The following BAIAP2L1 variants were observed in gnomAD, a reference collection of about 807,000 sequenced individuals.
BAIAP2L1 encodes BAR/IMD domain containing adaptor protein 2 like 1.
Under a neutral mutation model 66.3 loss-of-function variants are expected in BAIAP2L1, and 35 were observed. That is an observed-to-expected ratio of 0.53 (90% CI 0.40 to 0.70). The LOEUF is 0.70. Ranked by LOEUF, BAIAP2L1 falls within the 30% of genes least tolerant of loss-of-function variation. The pLI is 0.00. For missense variants in BAIAP2L1, 622 were observed against 656.9 expected, an observed-to-expected ratio of 0.95 and a Z score of 0.58; for synonymous variants, 269 against 248.7, an observed-to-expected ratio of 1.08 and a Z score of -0.77.
chr7:98,336,255 A>G (rs1387821336), intron 3 of BAIAP2L1, among the ~76,000 whole-genome samples: 3 of 152,176 alleles, frequency 2.0e-5, no homozygotes, highest in Non-Finnish European at 2.9e-5. Context: ...CACATGATAT[A>G]CCCAGGTAAC....
At chr7:98,390,787 A>C (rs1375370919) in intron 1 of BAIAP2L1, among the ~76,000 whole-genome samples, 1 of 152,080 alleles carries the variant, frequency 6.6e-6, no homozygotes, top group Non-Finnish European at 1.5e-5. Context: ...ACTAGTGCTT[A>C]ATTGATATTG....
chr7:98,322,347 C>T (rs1801273290), intron 3 of BAIAP2L1, among the ~76,000 whole-genome samples: 2 of 152,182 alleles, frequency 1.3e-5, no homozygotes, highest in South Asian at 4.1e-4. Flanking sequence ...CACGACCACG[C>T]AGACGTCCCA....
intron 3 of BAIAP2L1, among the ~76,000 whole-genome samples, chr7:98,330,825 G>A (rs567406311): frequency 1.4e-5 from 2 of 140,878 alleles, no homozygotes; most frequent in South Asian, 4.6e-4. Flanking sequence ...AAGGGAGTGG[G>A]AGGGGTGCCC....
chr7:98,328,265 G>A lies in BAIAP2L1; in HGVS notation c.215-7967C>T, dbSNP rs567037787. ...CACCACGAAAGGGAAAAGACTGGAC[G>A]CAGCTTCAGAAGGCAGAAGGTTCTG... On this transcript the variant is annotated intron_variant, in intron 3 of 13. Transcript: ENST00000005260. 2.6e-5 allele frequency among the ~76,000 whole-genome samples: 4 copies of A among 152,282 alleles called. No individual in the cohort carries two copies. In the South Asian group the frequency reaches 6.2e-4, roughly 24 times the overall value.
chr7:98,396,584 C>G (rs1001604480), intron 1 of BAIAP2L1, among the ~76,000 whole-genome samples: 2 of 152,068 alleles, frequency 1.3e-5, no homozygotes, highest in Admixed American at 6.6e-5. Flanking sequence ...AGTTTCTCAA[C>G]CTGGTTAACA....
rs141920337 is a variant in BAIAP2L1, at chr7:98,372,670, AATGTC to A, written c.52-10243_52-10239del. 4.5e-3 allele frequency among the ~76,000 whole-genome samples: 680 copies of A among 151,712 alleles called. 9 individuals carry two copies. The highest frequency in any genetic ancestry group is 0.015 in the African/African-American group (640 of 41,376). Reference sequence around the variant, plus strand: ...GTTCAAACCAATCAAGGTACATGCTAATGTCATGTAGCAAAAATAGCTGTAATGAG... The same window carrying A: ...GTTCAAACCAATCAAGGTACATGCTAATGTAGCAAAAATAGCTGTAATGAG... On this transcript the variant is annotated intron_variant, in intron 1 of 13. Transcript: ENST00000005260.
chr7:98,319,540 T>C (rs965014248), intron 5 of BAIAP2L1, among the ~76,000 whole-genome samples: 21 of 147,776 alleles, frequency 1.4e-4, no homozygotes, highest in Admixed American at 9.8e-4. Context: ...CAATACTTTT[T>C]CCTATGCCTT....
intron 1 of BAIAP2L1, among the ~76,000 whole-genome samples, chr7:98,378,268 A>C (rs1348193178): frequency 1.3e-5 from 2 of 152,236 alleles, no homozygotes; most frequent in Non-Finnish European, 2.9e-5. Flanking sequence ...AAATGATGAA[A>C]GGTAGTTTCC....
Position 98,346,588 on chromosome 7 carries a change from A to G in BAIAP2L1, c.214+8454T>C, listed in dbSNP as rs141477124. On this transcript the variant is annotated intron_variant, in intron 3 of 13. Coordinates refer to ENST00000005260, the MANE Select transcript of BAIAP2L1 (RefSeq NM_018842.5). ...TACTCTCAAATAAACACAAAGCTAG[A>G]GGACTTATGCGACTAGATACCAAGA... Among the ~76,000 whole-genome samples, 298 of 152,318 alleles carry G rather than the reference A, an allele frequency of 2.0e-3. 2 individuals are homozygous for G. The highest frequency in any genetic ancestry group is 6.6e-3 in the African/African-American group (273 of 41,566).
At chr7:98,352,697 T>C (rs1171034372) in intron 3 of BAIAP2L1, among the ~76,000 whole-genome samples, 1 of 152,070 alleles carries the variant, frequency 6.6e-6, no homozygotes, top group Non-Finnish European at 1.5e-5. Context: ...TGAAAGAAAT[T>C]TCACCATCAC....
intron 5 of BAIAP2L1, among the ~76,000 whole-genome samples, chr7:98,318,637 T>C (rs943452439): frequency 1.3e-4 from 19 of 151,384 alleles, no homozygotes; most frequent in African/African-American, 4.6e-4. Context: ...CCCTATAATC[T>C]GTGAAGTGCA....
chr7:98,293,510 T>C lies in BAIAP2L1; in HGVS notation c.*11A>G. On this transcript the variant is annotated 3_prime_UTR_variant, in exon 14 of 14. Transcript: ENST00000005260. Reference sequence around the variant, plus strand: ...AACCGGAGAGGCCCGGGAGAGTCCTTGGCTGTCCTCTCATCGAATGATGGG... The same window carrying C: ...AACCGGAGAGGCCCGGGAGAGTCCTCGGCTGTCCTCTCATCGAATGATGGG... 6.2e-7 allele frequency: 1 copy of C among 1,611,580 alleles called. No individual in the cohort carries two copies. The highest frequency in any genetic ancestry group is 8.5e-7 in the Non-Finnish European group (1 of 1,178,462).
intron 1 of BAIAP2L1, among the ~76,000 whole-genome samples, chr7:98,366,343 G>A (rs1802389531): frequency 6.6e-6 from 1 of 152,094 alleles, no homozygotes; most frequent in Non-Finnish European, 1.5e-5. Context: ...TGGTGGCTGG[G>A]GTAGGGAAGG....
chr7:98,297,796 T>C (rs1314537611), intron 12 of BAIAP2L1, among the ~76,000 whole-genome samples: 3 of 152,224 alleles, frequency 2.0e-5, no homozygotes, highest in Non-Finnish European at 4.4e-5. Flanking sequence ...CACTGGCGGC[T>C]CTCAGGAGGG....
chr7:98,374,650 C>A (rs1463217894), intron 1 of BAIAP2L1, among the ~76,000 whole-genome samples: 1 of 151,660 alleles, frequency 6.6e-6, no homozygotes, highest in Non-Finnish European at 1.5e-5. Flanking sequence ...TTTTTAGAAG[C>A]TTTCTTATAA....
chr7:98,351,677 GTGA>G (rs1802004477), intron 3 of BAIAP2L1, among the ~76,000 whole-genome samples: 1 of 152,166 alleles, frequency 6.6e-6, no homozygotes, highest in African/African-American at 2.4e-5. Context: ...TGGGTCCCTA[GTGA>G]TGATAAACTG....
At chr7:98,353,403 AATAT>A (rs556138831) in intron 3 of BAIAP2L1, among the ~76,000 whole-genome samples, 14 of 136,856 alleles carry the variant, frequency 1.0e-4, no homozygotes, top group Admixed American at 7.4e-4. Flanking sequence ...AAATATACAT[AATAT>A]ATATATTATA....
At chr7:98,310,385 C>T in intron 9 of BAIAP2L1, 60 bp downstream of exon 9, 1 of 1,521,466 alleles carries the variant, frequency 6.6e-7, no homozygotes, top group Non-Finnish European at 8.9e-7. Context: ...ATTTATTTCA[C>T]AGCTTATCTT....
chr7:98,389,268 G>A (rs1445271764), intron 1 of BAIAP2L1, among the ~76,000 whole-genome samples: 1 of 151,988 alleles, frequency 6.6e-6, no homozygotes, highest in Non-Finnish European at 1.5e-5. Flanking sequence ...CTGTCATCTG[G>A]GACCTATTCC....
Sources: gnomAD v4.1 joint callset for allele counts (sites outside exome capture counted in the v4.1 genomes callset) on GRCh38, gnomAD v4.1.1 for gene constraint, MANE v1.5 for transcripts, NCBI Gene and HGNC (gene_info 2026-07-23, HGNC 2026-07-21) for gene names.